Variants in C5 observed in about 807,000 individuals in gnomAD.
The protein encoded by C5 is complement C5, also known as C3 and PZP-like alpha-2-macroglobulin domain-containing protein 4.
A neutral mutation model predicts 218.8 loss-of-function variants in C5; 140 were observed. That is an observed-to-expected ratio of 0.64 (90% confidence interval 0.56 to 0.74). The LOEUF is 0.74. Among genes scored for constraint, C5 ranks in the 30% least tolerant of loss-of-function variants. The pLI is 0.00. For missense variants in C5, 1,700 were observed against 1,969.6 expected, an observed-to-expected ratio of 0.86 and a Z score of 2.59; for synonymous variants, 614 against 682.3, an observed-to-expected ratio of 0.90 and a Z score of 1.56.
rs1369094467 is a variant in C5 at position 120,971,926 on chromosome 9, T to C, written c.4080+4A>G. 46 of 1,604,204 alleles carry C rather than the reference T, an allele frequency of 2.9e-5. 1 individual carries two copies. The highest frequency in any genetic ancestry group is 3.5e-5 in the Non-Finnish European group (41 of 1,171,312). On this transcript the variant is annotated splice_donor_region_variant and intron_variant, in intron 31 of 40. Coordinates refer to ENST00000223642, the MANE Select transcript of C5 (RefSeq NM_001735.3). ...TCGTTATTGGATATCAATTAAATACTTACATGTACTGTAGCCAAGCCACTG... is the reference window on the plus strand; with the variant it reads ...TCGTTATTGGATATCAATTAAATACCTACATGTACTGTAGCCAAGCCACTG...
At chr9:120,991,595 C>T (rs1172314424) in intron 22 of C5, among the ~76,000 whole-genome samples, 3 of 152,118 alleles carry the variant, frequency 2.0e-5, no homozygotes, top group Non-Finnish European at 4.4e-5. Context: ...AAAATTGTTC[C>T]TGGAACTGAA....
chr9:121,005,839 T>G lies in C5; in HGVS notation c.2562+80A>C, dbSNP rs1305229611. 7 of 1,416,658 alleles carry G rather than the reference T, an allele frequency of 4.9e-6. No homozygotes were observed. The Admixed American group carries it at 1.2e-4, about 24-fold the overall frequency. 87.8% of individuals were successfully genotyped at this position (1,416,658 alleles called of 1,614,324 possible). On this transcript the variant is annotated intron_variant, in intron 20 of 40. Transcript: ENST00000223642. ...ACTGAGTTGAACTTCTACTTTTTTG[T>G]GTATGGTAATTCCACTAATAGAATT... is the stretch of plus-strand genomic sequence containing the variant.
the C5 span, among the ~76,000 whole-genome samples, chr9:121,074,072 C>A: frequency 6.6e-6 from 1 of 152,076 alleles, no homozygotes. Context: ...TGAGCAGGCA[C>A]GCTGCTAAGA....
At chr9:121,023,254 T>C (rs538394385) in intron 10 of C5, 150 bp downstream of exon 10, 27 of 705,978 alleles carry the variant, frequency 3.8e-5, no homozygotes, top group East Asian at 3.6e-4. Context: ...CCCATCCCTG[T>C]CTGTGTCCAC....
At chr9:121,023,136 T>C (rs1441519500) in intron 10 of C5, among the ~76,000 whole-genome samples, 1 of 152,248 alleles carries the variant, frequency 6.6e-6, no homozygotes, top group East Asian at 1.9e-4. Flanking sequence ...TATAATTTAA[T>C]GCTTATTTAT....
At chr9:120,958,455 G>C (rs1245334744) in intron 38 of C5, among the ~76,000 whole-genome samples, 1 of 152,100 alleles carries the variant, frequency 6.6e-6, no homozygotes, top group Non-Finnish European at 1.5e-5. Flanking sequence ...CTAAAATGGA[G>C]GGAAGAAATA....
upstream of C5, among the ~76,000 whole-genome samples, chr9:121,054,402 C>T (rs1242553458): frequency 1.4e-4 from 21 of 152,102 alleles, no homozygotes; most frequent in Admixed American, 1.4e-3. Context: ...GAGTTCAAGA[C>T]CAGTCTGGCC....
intron 2 of C5, among the ~76,000 whole-genome samples, chr9:121,045,471 ATTCGAAT>A (rs2047619153): frequency 2.0e-5 from 3 of 152,144 alleles, no homozygotes. Flanking sequence ...AATCAATATA[ATTCGAAT>A]TTTAAGCTCT....
At chr9:121,072,154 G>A in the C5 span, among the ~76,000 whole-genome samples, 1 of 152,130 alleles carries the variant, frequency 6.6e-6, no homozygotes, top group East Asian at 1.9e-4. Flanking sequence ...GGAGGAAAAG[G>A]GGGCAACATG....
chr9:121,047,542 GAC>G (rs1432550233), intron 1 of C5, among the ~76,000 whole-genome samples: 2 of 152,090 alleles, frequency 1.3e-5, no homozygotes, highest in Non-Finnish European at 2.9e-5. Flanking sequence ...CATAGTGATC[GAC>G]TAATTCAAGT....
intron 6 of C5, 69 bp from the exon 7 acceptor site, chr9:121,030,556 C>G: frequency 1.2e-6 from 1 of 848,570 alleles, no homozygotes; most frequent in South Asian, 1.6e-5. Flanking sequence ...TAGCAAACAG[C>G]TAGACTTTCT....
intron 17 of C5, 28 bp from the exon 18 acceptor site, chr9:121,008,526 G>A (rs1268326035): frequency 5.4e-6 from 8 of 1,492,074 alleles, no homozygotes; most frequent in Middle Eastern, 3.4e-4. Context: ...ATTCAATTAT[G>A]GAAAAACAAT....
At chr9:120,977,307 T>C (rs980485724) in intron 28 of C5, among the ~76,000 whole-genome samples, 1 of 152,208 alleles carries the variant, frequency 6.6e-6, no homozygotes, top group Non-Finnish European at 1.5e-5. Flanking sequence ...ATATGAAACA[T>C]AAATGAATTT....
chr9:121,008,360 T>C, intron 18 of C5, 48 bp downstream of exon 18: 1 of 1,395,822 alleles, frequency 7.2e-7, no homozygotes, highest in South Asian at 1.2e-5. Flanking sequence ...GCCATAATAC[T>C]TGCATTATCC....
chr9:120,999,413 C>T (rs753814425), intron 20 of C5, among the ~76,000 whole-genome samples: 1 of 152,182 alleles, frequency 6.6e-6, no homozygotes, highest in Non-Finnish European at 1.5e-5. Flanking sequence ...TAGAACCTGA[C>T]ATCATACTGG....
chr9:120,954,142 A>T (rs1293742257), intron 39 of C5, among the ~76,000 whole-genome samples: 1 of 152,218 alleles, frequency 6.6e-6, no homozygotes, highest in Non-Finnish European at 1.5e-5. Flanking sequence ...CATGATAATA[A>T]AACCTACCTT....
chr9:120,953,279 G>A (rs1022206487), intron 40 of C5, among the ~76,000 whole-genome samples: 7 of 152,136 alleles, frequency 4.6e-5, no homozygotes, highest in Admixed American at 1.3e-4. Flanking sequence ...CAGGCTGTCC[G>A]CCAAACTCTT....
At chr9:121,010,134 G>A (rs193117190) in intron 17 of C5, among the ~76,000 whole-genome samples, 1 of 152,320 alleles carries the variant, frequency 6.6e-6, no homozygotes, top group African/African-American at 2.4e-5. Context: ...GTCCTAGCCA[G>A]AACAATTAGA....
rs1454879850 is a variant in C5, at chr9:120,960,319, T to C, written c.4607A>G (p.Gln1536Arg). 30 of 1,612,774 alleles carry C rather than the reference T, an allele frequency of 1.9e-5. No individual in the cohort carries two copies. The highest frequency in any genetic ancestry group is 2.4e-5 in the Non-Finnish European group (28 of 1,179,238). ...AGAGATTGTCAGATCCAATTCTTCC[T>C]GCATTTGCCCACAATCAGCTGGATT... ...KCVEADCGQM[Q>R]EELDLTISAE... Residue 1536 changes from glutamine (Q) to arginine (R), a missense_variant, in exon 38 of 41, where the codon CAG becomes CGG. Physicochemically the swap from Gln to Arg is conservative, Grantham distance 43 (BLOSUM62 1). Coordinates refer to ENST00000223642, the MANE Select transcript of C5 (RefSeq NM_001735.3).
Sources: allele counts gnomAD v4.1 joint callset (sites outside exome capture counted in the v4.1 genomes callset), GRCh38; gene constraint gnomAD v4.1.1; transcripts MANE v1.5; gene names NCBI Gene and HGNC (gene_info 2026-07-23, HGNC 2026-07-21).